Variants in COBL observed in about 807,000 individuals in gnomAD.
COBL encodes the protein cordon-bleu WH2 repeat protein.
Under a neutral mutation model 98.8 loss-of-function variants are expected in COBL, and 51 were observed. The observed-to-expected ratio is 0.52, with a 90% confidence interval of 0.41 to 0.65. COBL has a LOEUF of 0.65. Among genes scored for constraint, COBL ranks in the 30% least tolerant of loss-of-function variants. COBL has a pLI of 0.00. For synonymous variants in COBL, 634 were observed against 651.7 expected (o/e 0.97, Z 0.41); for missense variants, 1,617 against 1,617.5 (o/e 1.00, Z 0.01).
intron 1 of COBL, among the ~76,000 whole-genome samples, chr7:51,300,434 T>G (rs1801834567): frequency 6.6e-6 from 1 of 152,174 alleles, no homozygotes; most frequent in South Asian, 2.1e-4. Context: ...GTGCTGGGAT[T>G]ATAGGCATGA....
intron 5 of COBL, among the ~76,000 whole-genome samples, chr7:51,162,679 A>G (rs17554642): frequency 0.051 from 7,838 of 152,346 alleles, 281 homozygotes; most frequent in Middle Eastern, 0.14. Flanking sequence ...GATGAGCTAT[A>G]TAATTTCTAA....
chr7:51,110,566 C>T (rs1796732253), intron 6 of COBL, among the ~76,000 whole-genome samples: 1 of 152,122 alleles, frequency 6.6e-6, no homozygotes, highest in Admixed American at 6.5e-5. Context: ...AATAAGTTAT[C>T]GGGGTACAGG....
At chr7:51,039,381 T>C (rs1395976851) in intron 8 of COBL, among the ~76,000 whole-genome samples, 4 of 152,198 alleles carry the variant, frequency 2.6e-5, no homozygotes, top group Non-Finnish European at 5.9e-5. Context: ...CCCCCAGGCA[T>C]GGGTCCTCAC....
chr7:51,027,778 G>A lies in COBL; in HGVS notation c.3318C>T (p.Asp1106=), dbSNP rs780482424. The change falls in exon 10 of 13, where the codon GAC becomes GAT. Residue 1106 remains aspartate (D), a synonymous_variant. Coordinates refer to ENST00000265136, the MANE Select transcript of COBL (RefSeq NM_015198.5). ...CCATCAGGGCAGAGTGCAGGGATGT[G>A]TCTTTTGGGACTGGTCTCTGGACAA... ...KPVVQRPVPK[D]TSLHSALMEA... 2 of 1,614,228 alleles carry A rather than the reference G, an allele frequency of 1.2e-6. No individual in the cohort carries two copies. The highest frequency in any genetic ancestry group is 1.7e-5 in the Admixed American group (1 of 60,030).
In COBL at chr7:51,028,442, ACAT is replaced by A; in HGVS notation, c.2651_2653del (p.Asp884del). 6.2e-7 allele frequency: 1 copy of A among 1,614,252 alleles called. No individual in the cohort carries two copies. Among genetic ancestry groups the A allele is most frequent in the South Asian group, 1.1e-5 (1 of 91,084 alleles). ...CTCGGCATAACCGTGTGGCCTCACC[ACAT>A]CAGCATGGACTTTTGGGGCTCCTAT... is the stretch of plus-strand genomic sequence containing the variant. On this transcript the variant is annotated inframe_deletion, in exon 10 of 13. Transcript: ENST00000265136.
intron 2 of COBL, among the ~76,000 whole-genome samples, chr7:51,216,786 T>C (rs1264396465): frequency 6.6e-6 from 1 of 152,234 alleles, no homozygotes; most frequent in Non-Finnish European, 1.5e-5. Context: ...GGGCTGACTA[T>C]AAATTACAAA....
At chr7:51,260,849 T>C (rs1797648215) in intron 1 of COBL, among the ~76,000 whole-genome samples, 1 of 152,114 alleles carries the variant, frequency 6.6e-6, no homozygotes, top group African/African-American at 2.4e-5. Flanking sequence ...CTCAGAGGAC[T>C]CCAGGCAGGT....
chr7:51,129,098 G>A (rs745652308), intron 6 of COBL, among the ~76,000 whole-genome samples: 12 of 152,090 alleles, frequency 7.9e-5, no homozygotes, highest in African/African-American at 2.2e-4. Context: ...CGCTATTTGC[G>A]CACATTTTGA....
intron 2 of COBL, among the ~76,000 whole-genome samples, chr7:51,207,078 T>C (rs1333706146): frequency 6.6e-6 from 1 of 152,228 alleles, no homozygotes; most frequent in Non-Finnish European, 1.5e-5. Context: ...TTAACTACTT[T>C]GTGGCTATTT....
intron 7 of COBL, among the ~76,000 whole-genome samples, chr7:51,079,882 A>G (rs1793462431): frequency 6.6e-6 from 1 of 152,278 alleles, no homozygotes; most frequent in African/African-American, 2.4e-5. Flanking sequence ...CAGAAGCCCC[A>G]CATATACATG....
At chr7:51,306,642 T>C (rs977760195) in intron 1 of COBL, among the ~76,000 whole-genome samples, 1 of 152,154 alleles carries the variant, frequency 6.6e-6, no homozygotes, top group Non-Finnish European at 1.5e-5. Flanking sequence ...TCATAACTGC[T>C]CTGTGCTCAG....
chr7:51,122,994 A>C (rs185088072), intron 6 of COBL, among the ~76,000 whole-genome samples: 1,529 of 152,300 alleles, frequency 0.01, 24 homozygotes, highest in African/African-American at 0.034. Context: ...AAAAAAAAAA[A>C]AAAATTGAAT....
rs573495821 is a variant in COBL at position 51,193,138 on chromosome 7, A to G, written c.456+241T>C. 2.2e-3 allele frequency among the ~76,000 whole-genome samples: 337 copies of G among 152,376 alleles called. 1 individual carries two copies. The highest frequency in any genetic ancestry group is 4.3e-3 in the Non-Finnish European group (294 of 68,034). ...AAGGTCTAATGGATAGCTCCACTGT[A>G]GATCAATTCCTCTTCTATAATATAT... On this transcript the variant is annotated intron_variant, in intron 3 of 12. Coordinates refer to ENST00000265136, the MANE Select transcript of COBL (RefSeq NM_015198.5).
chr7:51,231,751 G>A (rs1794779836), intron 1 of COBL, among the ~76,000 whole-genome samples: 1 of 152,176 alleles, frequency 6.6e-6, no homozygotes, highest in South Asian at 2.1e-4. Context: ...AGGAGAGGCT[G>A]TGGGCTCACA....
chr7:51,194,133 TTTG>T (rs1207895158), intron 2 of COBL, among the ~76,000 whole-genome samples: 3 of 152,098 alleles, frequency 2.0e-5, no homozygotes, highest in Admixed American at 2.0e-4. Context: ...GACTCCAGTG[TTTG>T]TTGTTGTTCC....
At chr7:51,018,891 CA>C (rs11433270) in intron 12 of COBL, among the ~76,000 whole-genome samples, 72 of 6,826 alleles carry the variant, frequency 0.011, no homozygotes, top group African/African-American at 0.022. Flanking sequence ...AACTCCATCT[CA>C]AAAAAAAAAA....
chr7:51,074,423 T>C (rs1403192114), intron 7 of COBL, among the ~76,000 whole-genome samples: 1 of 152,158 alleles, frequency 6.6e-6, no homozygotes, highest in Non-Finnish European at 1.5e-5. Flanking sequence ...CTCGATCTCC[T>C]GACCTCGTGA....
At chr7:51,264,370 T>C (rs755176771) in intron 1 of COBL, among the ~76,000 whole-genome samples, 21 of 152,220 alleles carry the variant, frequency 1.4e-4, no homozygotes, top group East Asian at 1.9e-4. Context: ...AAACAAAATA[T>C]AATTAAAAAG....
At chr7:51,273,243 C>T (rs929622522) in intron 1 of COBL, among the ~76,000 whole-genome samples, 7 of 150,244 alleles carry the variant, frequency 4.7e-5, no homozygotes, top group African/African-American at 9.8e-5. Context: ...GCAGGAGAAT[C>T]GCTTGAACCT....
Sources: allele counts gnomAD v4.1 joint callset (sites outside exome capture counted in the v4.1 genomes callset), GRCh38; gene constraint gnomAD v4.1.1; transcripts MANE v1.5; gene names NCBI Gene and HGNC (gene_info 2026-07-23, HGNC 2026-07-21).